The following EYS variants were observed in gnomAD, a reference collection of about 807,000 sequenced individuals.
The protein encoded by EYS is protein eyes shut homolog.
A neutral mutation model predicts 282.1 loss-of-function variants in EYS; 250 were observed. That is an observed-to-expected ratio of 0.89 (90% CI 0.80 to 0.98). EYS has a LOEUF of 0.98. Ranked by LOEUF, EYS falls within the 50% of genes least tolerant of loss-of-function variation. EYS has a pLI of 0.00. For synonymous variants in EYS, 1,355 were observed against 1,282.9 expected (o/e 1.06, Z -1.20); for missense variants, 4,016 against 3,709.0 (o/e 1.08, Z -2.15).
At chr6:64,294,712 G>C (rs1034830172) in intron 30 of EYS, among the ~76,000 whole-genome samples, 4 of 152,060 alleles carry the variant, frequency 2.6e-5, no homozygotes, top group Non-Finnish European at 5.9e-5. Flanking sequence ...GATAATAGTG[G>C]ATAAAACTAC....
chr6:63,771,690 G>A (rs1224493166), intron 40 of EYS, among the ~76,000 whole-genome samples: 3 of 152,046 alleles, frequency 2.0e-5, no homozygotes, highest in African/African-American at 7.2e-5. Context: ...GAGAAAAGAG[G>A]TTACTCTTAA....
chr6:65,640,873 T>A (rs529969298), intron 1 of EYS, among the ~76,000 whole-genome samples: 4 of 152,290 alleles, frequency 2.6e-5, no homozygotes, highest in African/African-American at 9.6e-5. Context: ...TTCTGAAAAA[T>A]TATCAGCCAC....
intron 26 of EYS, among the ~76,000 whole-genome samples, chr6:64,465,914 C>T (rs1489674779): frequency 1.3e-5 from 2 of 151,916 alleles, no homozygotes; most frequent in Non-Finnish European, 2.9e-5. Context: ...AGCAAGAAAA[C>T]AAATATTCCA....
intron 1 of EYS, among the ~76,000 whole-genome samples, chr6:65,676,273 TCAA>T (rs1425242759): frequency 6.6e-6 from 1 of 151,588 alleles, no homozygotes; most frequent in Non-Finnish European, 1.5e-5. Flanking sequence ...ATTTTAAAAA[TCAA>T]CAAAAATAAG....
intron 19 of EYS, among the ~76,000 whole-genome samples, chr6:64,824,174 C>T (rs1269914886): frequency 1.3e-5 from 2 of 151,910 alleles, no homozygotes; most frequent in Non-Finnish European, 2.9e-5. Context: ...AAAGACACTT[C>T]CCTTTCATGC....
intron 35 of EYS, among the ~76,000 whole-genome samples, chr6:63,924,391 A>G (rs1310027920): frequency 6.6e-6 from 1 of 152,198 alleles, no homozygotes; most frequent in East Asian, 1.9e-4. Context: ...AGCATTCTGA[A>G]GTTGTCTGTG....
At chr6:63,870,182 A>G (rs1772767261) in intron 35 of EYS, among the ~76,000 whole-genome samples, 1 of 152,306 alleles carries the variant, frequency 6.6e-6, no homozygotes, top group East Asian at 1.9e-4. Context: ...AGCTTTTAAA[A>G]TGTTATTTTA....
At chr6:64,482,242 C>T (rs1776456789) in intron 26 of EYS, among the ~76,000 whole-genome samples, 1 of 151,668 alleles carries the variant, frequency 6.6e-6, no homozygotes, top group African/African-American at 2.4e-5. Flanking sequence ...TCCTGATCCA[C>T]TCACTTACAA....
chr6:64,390,124 C>A (rs572113624), intron 28 of EYS, among the ~76,000 whole-genome samples: 1 of 152,092 alleles, frequency 6.6e-6, no homozygotes, highest in Non-Finnish European at 1.5e-5. Context: ...GAGGGTCCTA[C>A]GCCCACGGAG....
At chr6:65,449,677 G>C (rs1455506080) in intron 5 of EYS, among the ~76,000 whole-genome samples, 1 of 152,000 alleles carries the variant, frequency 6.6e-6, no homozygotes, top group Admixed American at 6.6e-5. Context: ...TCATTTTAAA[G>C]CAAAGGCAAG....
intron 31 of EYS, among the ~76,000 whole-genome samples, chr6:64,200,177 G>C (rs1486014474): frequency 1.3e-5 from 2 of 152,120 alleles, no homozygotes; most frequent in African/African-American, 4.8e-5. Context: ...GGCTTACAGG[G>C]AAATGGGAAG....
intron 33 of EYS, among the ~76,000 whole-genome samples, chr6:64,024,884 A>C (rs2149822924): frequency 6.6e-6 from 1 of 152,286 alleles, no homozygotes. Context: ...ACTCACCGTG[A>C]GGGTCTGCGG....
chr6:64,052,159 G>A (rs1273421872), intron 33 of EYS, among the ~76,000 whole-genome samples: 1 of 151,956 alleles, frequency 6.6e-6, no homozygotes, highest in East Asian at 1.9e-4. Flanking sequence ...CATTAAAATA[G>A]TATAGAAATA....
chr6:64,642,661 G>A (rs976293246), intron 22 of EYS, among the ~76,000 whole-genome samples: 1 of 152,190 alleles, frequency 6.6e-6, no homozygotes, highest in African/African-American at 2.4e-5. Context: ...AGTAGCCAGG[G>A]TTCCTGCCAG....
At chr6:65,544,302 T>C (rs1768302424) in intron 2 of EYS, among the ~76,000 whole-genome samples, 1 of 152,186 alleles carries the variant, frequency 6.6e-6, no homozygotes, top group Admixed American at 6.6e-5. Flanking sequence ...AATGTCATTT[T>C]GTGCATATTT....
intron 22 of EYS, among the ~76,000 whole-genome samples, chr6:64,796,352 G>T (rs1774353800): frequency 6.6e-6 from 1 of 152,082 alleles, no homozygotes. Context: ...AGAAACAGCT[G>T]ACCAGTTGCT....
chr6:64,016,463 A>C (rs1332944495), intron 33 of EYS, among the ~76,000 whole-genome samples: 4 of 150,156 alleles, frequency 2.7e-5, no homozygotes, highest in African/African-American at 9.8e-5. Context: ...AATCTATGCT[A>C]TTGGCTGCTG....
At chr6:63,965,977 C>A (rs1766289669) in intron 35 of EYS, among the ~76,000 whole-genome samples, 1 of 152,168 alleles carries the variant, frequency 6.6e-6, no homozygotes, top group Non-Finnish European at 1.5e-5. Context: ...GCTCTGTGAG[C>A]TTGAGCAAAG....
intron 21 of EYS, among the ~76,000 whole-genome samples, chr6:64,817,083 A>G (rs1169289795): frequency 6.6e-6 from 1 of 152,010 alleles, no homozygotes; most frequent in Non-Finnish European, 1.5e-5. Flanking sequence ...TTTATTTTAA[A>G]GATTTGTTTC....
Sources: allele counts gnomAD v4.1 joint callset (sites outside exome capture counted in the v4.1 genomes callset), GRCh38; gene constraint gnomAD v4.1.1; transcripts MANE v1.5; gene names NCBI Gene and HGNC (gene_info 2026-07-23, HGNC 2026-07-21).